Variants in ARHGAP22 observed in about 807,000 individuals in gnomAD.
The protein encoded by ARHGAP22 is rho GTPase-activating protein 22.
A neutral mutation model predicts 59.1 loss-of-function variants in ARHGAP22; 48 were observed. That is an observed-to-expected ratio of 0.81 (90% CI 0.64 to 1.03). The LOEUF is 1.03. Among genes scored for constraint, ARHGAP22 ranks in the 50% least tolerant of loss-of-function variants. The pLI, the probability that ARHGAP22 is intolerant of heterozygous loss-of-function variation, is 0.00. For missense variants in ARHGAP22, 1,015 were observed against 958.7 expected (o/e 1.06, Z -0.78); for synonymous variants, 445 against 416.4 (o/e 1.07, Z -0.84).
intron 1 of ARHGAP22, among the ~76,000 whole-genome samples, chr10:48,587,319 C>T (rs1226404287): frequency 1.3e-5 from 2 of 152,196 alleles, no homozygotes; most frequent in Admixed American, 1.3e-4. Flanking sequence ...TATCAGGACC[C>T]CTGGGCTCGA....
upstream of ARHGAP22, among the ~76,000 whole-genome samples, chr10:48,606,681 TTTTGCACATGTAGCTGTGTC>T (rs775364504): frequency 1.3e-5 from 2 of 152,162 alleles, no homozygotes; most frequent in Non-Finnish European, 2.9e-5. Flanking sequence ...GCCTCTGTGT[TTTTGCACATGTAGCTGTGTC>T]TTTGCACGTG....
chr10:48,619,966 T>A (rs1273477702), intron 1 of ARHGAP22, among the ~76,000 whole-genome samples: 2 of 152,064 alleles, frequency 1.3e-5, no homozygotes, highest in Non-Finnish European at 2.9e-5. Context: ...GGGATTAATA[T>A]CCATTATATA....
chr10:48,489,730 C>CTTTTTTT (rs377099863), intron 3 of ARHGAP22, among the ~76,000 whole-genome samples: 2 of 119,600 alleles, frequency 1.7e-5, no homozygotes, highest in Non-Finnish European at 1.7e-5. Context: ...GAGGCTGCCT[C>CTTTTTTT]TTTTTTTTTT....
intron 3 of ARHGAP22, among the ~76,000 whole-genome samples, chr10:48,530,279 A>G (rs2054714261): frequency 6.6e-6 from 1 of 150,458 alleles, no homozygotes; most frequent in South Asian, 2.1e-4. Flanking sequence ...AAGATGGATC[A>G]AAGACTTAAA....
At chr10:48,654,996 CTCTCTTTCTT>C (rs1277408325), upstream of ARHGAP22, among the ~76,000 whole-genome samples, 1 of 126,660 alleles carries the variant, frequency 7.9e-6, no homozygotes, top group East Asian at 2.2e-4. Flanking sequence ...CCCTTCCTCT[CTCTCTTTCTT>C]TCTCTTTCTT....
At chr10:48,565,778 A>G (rs1172836294) in intron 2 of ARHGAP22, among the ~76,000 whole-genome samples, 1 of 152,188 alleles carries the variant, frequency 6.6e-6, no homozygotes, top group Non-Finnish European at 1.5e-5. Context: ...TATAAATATG[A>G]ATTATCATAA....
chr10:48,511,160 A>G (rs2052724765), intron 3 of ARHGAP22, among the ~76,000 whole-genome samples: 1 of 152,174 alleles, frequency 6.6e-6, no homozygotes. Context: ...GGTGTCTACA[A>G]AGGACCTTGG....
intron 1 of ARHGAP22, among the ~76,000 whole-genome samples, chr10:48,598,880 C>T (rs1370830783): frequency 6.6e-6 from 1 of 152,234 alleles, no homozygotes; most frequent in African/African-American, 2.4e-5. Context: ...TGGATCCAAG[C>T]CTGGCATGTA....
At chr10:48,550,249 T>C (rs2056795424) in intron 3 of ARHGAP22, among the ~76,000 whole-genome samples, 1 of 152,180 alleles carries the variant, frequency 6.6e-6, no homozygotes, top group African/African-American at 2.4e-5. Flanking sequence ...ACAATTGCCT[T>C]TTTACTCTCC....
At chr10:48,461,312 A>T (rs2047113232) in intron 4 of ARHGAP22, among the ~76,000 whole-genome samples, 1 of 152,210 alleles carries the variant, frequency 6.6e-6, no homozygotes, top group Non-Finnish European at 1.5e-5. Context: ...TGGGTCAGTG[A>T]CTGGAAGGGG....
intron 3 of ARHGAP22, among the ~76,000 whole-genome samples, chr10:48,526,002 A>G (rs1315893921): frequency 2.0e-5 from 3 of 152,200 alleles, no homozygotes; most frequent in Admixed American, 2.0e-4. Context: ...AGGCTTCTTC[A>G]TGTAAGGTTC....
chr10:48,438,070 C>T, the ARHGAP22 span: 8 of 152,368 alleles, frequency 5.3e-5, no homozygotes, highest in Admixed American at 3.9e-4. Flanking sequence ...AGGCATTCGC[C>T]TGCACAACAT....
chr10:48,569,618 A>G (rs1477330208), intron 2 of ARHGAP22, among the ~76,000 whole-genome samples: 1 of 152,254 alleles, frequency 6.6e-6, no homozygotes, highest in East Asian at 1.9e-4. Context: ...GGTTGCAATG[A>G]AAGCCAAAGG....
upstream of ARHGAP22, among the ~76,000 whole-genome samples, chr10:48,654,770 A>ATTTCTT (rs1345811939): frequency 2.2e-5 from 3 of 138,420 alleles, no homozygotes; most frequent in African/African-American, 8.3e-5. Context: ...GGACATGCTG[A>ATTTCTT]TTACTTTCTT....
chr10:48,507,376 C>A (rs2052254790), intron 3 of ARHGAP22, among the ~76,000 whole-genome samples: 1 of 152,182 alleles, frequency 6.6e-6, no homozygotes, highest in African/African-American at 2.4e-5. Flanking sequence ...AAGTGCAGTT[C>A]ACTGCTTTAT....
At position 48,571,221 on chromosome 10, in the gene ARHGAP22, C is replaced by T. The variant is rs143155581; in HGVS notation, c.234+11732G>A. ...AGCACCAGGGACTGGAGCCCGCTAC[C>T]ACCCAGTAGACCACTCCATCAGAAT... On this transcript the variant is annotated intron_variant, in intron 2 of 9. Coordinates refer to ENST00000249601, the MANE Select transcript of ARHGAP22 (RefSeq NM_021226.4). Among the ~76,000 whole-genome samples the T allele has an allele frequency of 3.9e-3, 597 of 152,274 alleles. 4 individuals carry two copies. The highest frequency in any genetic ancestry group is 0.013 in the African/African-American group (548 of 41,534).
chr10:48,616,963 T>C (rs2061104505), intron 1 of ARHGAP22, among the ~76,000 whole-genome samples: 1 of 152,120 alleles, frequency 6.6e-6, no homozygotes, highest in African/African-American at 2.4e-5. Flanking sequence ...TTCACTTTTC[T>C]CATGTTATTT....
upstream of ARHGAP22, among the ~76,000 whole-genome samples, chr10:48,605,866 T>A (rs565164305): frequency 6.6e-6 from 1 of 152,192 alleles, no homozygotes; most frequent in South Asian, 2.1e-4. Context: ...CTGCCCAAAG[T>A]CATACAGTAC....
Position 48,509,146 on chromosome 10 carries a change from T to A in ARHGAP22, c.323-29382A>T, listed in dbSNP as rs2052481010. On this transcript the variant is annotated intron_variant, in intron 3 of 9. Coordinates refer to ENST00000249601, the MANE Select transcript of ARHGAP22 (RefSeq NM_021226.4). ...CTGGGCTGAAGTCTGACGTCAGAGC[T>A]GGGGGTGTGGGGACAGCCATGAGAA... Among the ~76,000 whole-genome samples, 5 of 152,304 alleles carry A rather than the reference T, an allele frequency of 3.3e-5. No individual in the cohort carries two copies. The South Asian group carries it at 1.0e-3, about 32-fold the overall frequency.
Sources: allele counts gnomAD v4.1 joint callset (sites outside exome capture counted in the v4.1 genomes callset), GRCh38; gene constraint gnomAD v4.1.1; transcripts MANE v1.5; gene names NCBI Gene and HGNC (gene_info 2026-07-23, HGNC 2026-07-21).